Variants in SDCCAG8 observed in about 807,000 individuals in gnomAD.
SDCCAG8 encodes SHH signaling and ciliogenesis regulator SDCCAG8, also known as serologically defined colon cancer antigen 8.
A neutral mutation model predicts 101.8 loss-of-function variants in SDCCAG8; 74 were observed. The observed-to-expected ratio is 0.73, with a 90% confidence interval of 0.60 to 0.88. The LOEUF (loss-of-function observed/expected upper bound fraction) is 0.88, where lower values mean the gene tolerates loss of function less well. Among genes scored for constraint, SDCCAG8 ranks in the 40% least tolerant of loss-of-function variants. SDCCAG8 has a pLI of 0.00. For missense variants in SDCCAG8, 787 were observed against 822.6 expected (o/e 0.96, Z 0.53); for synonymous variants, 281 against 292.9 (o/e 0.96, Z 0.41).
chr1:243,461,714 T>C (rs890416408), intron 16 of SDCCAG8, among the ~76,000 whole-genome samples: 7 of 152,184 alleles, frequency 4.6e-5, no homozygotes, highest in African/African-American at 1.7e-4. Context: ...TCCTTATTTC[T>C]GGACTATTGG....
chr1:243,299,303 C>A (rs1302229579), intron 6 of SDCCAG8, among the ~76,000 whole-genome samples: 1 of 152,274 alleles, frequency 6.6e-6, no homozygotes, highest in East Asian at 1.9e-4. Context: ...TCTTTTCCCT[C>A]CTTTTACTTT....
At chr1:243,430,995 G>A (rs1328880046) in intron 16 of SDCCAG8, among the ~76,000 whole-genome samples, 9 of 151,502 alleles carry the variant, frequency 5.9e-5, no homozygotes, top group African/African-American at 2.2e-4. Context: ...TCAGGAGTTC[G>A]AGACCAGCCT....
chr1:243,336,003 G>C (rs894633051), intron 10 of SDCCAG8, among the ~76,000 whole-genome samples: 1 of 152,156 alleles, frequency 6.6e-6, no homozygotes, highest in African/African-American at 2.4e-5. Context: ...GTATTCAGTG[G>C]TGTATATGTA....
At chr1:243,314,190 T>C (rs1462599292) in intron 8 of SDCCAG8, among the ~76,000 whole-genome samples, 6 of 152,214 alleles carry the variant, frequency 3.9e-5, no homozygotes. Context: ...AAAGCTACCT[T>C]GAAGCATGCG....
chr1:243,493,656 T>C (rs893918166), intron 17 of SDCCAG8, among the ~76,000 whole-genome samples: 2 of 151,998 alleles, frequency 1.3e-5, no homozygotes, highest in African/African-American at 4.8e-5. Context: ...GACTTGTCAG[T>C]GGTTAATCAG....
chr1:243,311,011 C>G, intron 8 of SDCCAG8, among the ~76,000 whole-genome samples: 1 of 152,196 alleles, frequency 6.6e-6, no homozygotes, highest in East Asian at 1.9e-4. Flanking sequence ...GGTGGAAATA[C>G]TTTGGAAGTA....
intron 10 of SDCCAG8, chr1:243,338,650 CT>C (rs2147773702): frequency 6.6e-6 from 1 of 152,326 alleles, no homozygotes; most frequent in African/African-American, 2.4e-5. Context: ...TTCTCAATTG[CT>C]TTCCTTGACA....
chr1:243,483,359 T>C (rs1381632968), intron 16 of SDCCAG8, among the ~76,000 whole-genome samples: 5 of 152,154 alleles, frequency 3.3e-5, no homozygotes, highest in Admixed American at 2.6e-4. Context: ...GCCCTCTACG[T>C]GGGGGATCCT....
At chr1:243,452,562 G>A (rs867172724) in intron 16 of SDCCAG8, among the ~76,000 whole-genome samples, 7 of 151,192 alleles carry the variant, frequency 4.6e-5, no homozygotes, top group African/African-American at 1.7e-4. Context: ...AGCTGAGACT[G>A]TTAAGTGTGC....
intron 16 of SDCCAG8, among the ~76,000 whole-genome samples, chr1:243,482,323 C>A (rs1663902712): frequency 6.6e-6 from 1 of 152,080 alleles, no homozygotes. Context: ...CGCTGTTGGA[C>A]CAATGGAGAT....
chr1:243,485,791 C>A (rs998394254), intron 16 of SDCCAG8, among the ~76,000 whole-genome samples: 1 of 151,946 alleles, frequency 6.6e-6, no homozygotes, highest in African/African-American at 2.4e-5. Context: ...ATAATCCCAG[C>A]TACGGCAGGA....
intron 13 of SDCCAG8, among the ~76,000 whole-genome samples, chr1:243,394,779 G>C (rs2078934118): frequency 6.6e-6 from 1 of 151,840 alleles, no homozygotes; most frequent in Admixed American, 6.5e-5. Flanking sequence ...CCTTCACCTA[G>C]CAGCGCCCTT....
chr1:243,399,095 A>T (rs1289888004), intron 13 of SDCCAG8, among the ~76,000 whole-genome samples: 1 of 152,252 alleles, frequency 6.6e-6, no homozygotes, highest in Non-Finnish European at 1.5e-5. Context: ...ATATAAATTT[A>T]TAAACTTTCT....
At chr1:243,361,144 A>T (rs2076688407) in intron 12 of SDCCAG8, among the ~76,000 whole-genome samples, 1 of 152,206 alleles carries the variant, frequency 6.6e-6, no homozygotes, top group South Asian at 2.1e-4. Context: ...GGTGCTAACC[A>T]GTCTGCCCCC....
chr1:243,276,238 G>C (rs142452200), intron 4 of SDCCAG8, among the ~76,000 whole-genome samples: 1 of 152,268 alleles, frequency 6.6e-6, no homozygotes, highest in Non-Finnish European at 1.5e-5. Flanking sequence ...TGGCAACAGT[G>C]AAACACAGTA....
intron 12 of SDCCAG8, among the ~76,000 whole-genome samples, chr1:243,371,954 A>G (rs1048954434): frequency 2.0e-5 from 3 of 152,126 alleles, no homozygotes; most frequent in African/African-American, 7.2e-5. Flanking sequence ...TAGCCAAAGC[A>G]AGCTAGTGCA....
intron 13 of SDCCAG8, among the ~76,000 whole-genome samples, chr1:243,391,718 C>T (rs144131346): frequency 6.6e-6 from 1 of 152,302 alleles, no homozygotes; most frequent in East Asian, 1.9e-4. Flanking sequence ...TATTCCTGAC[C>T]AGGAGATTTA....
chr1:243,391,406 G>C (rs2078689318), intron 13 of SDCCAG8, among the ~76,000 whole-genome samples: 1 of 152,222 alleles, frequency 6.6e-6, no homozygotes, highest in Non-Finnish European at 1.5e-5. Context: ...AAAGGATGCA[G>C]TCAGTCTCGG....
chr1:243,429,295 A>G (rs12132986), intron 16 of SDCCAG8, among the ~76,000 whole-genome samples: 18,771 of 152,242 alleles, frequency 0.12, 1,256 homozygotes, highest in Non-Finnish European at 0.15. Flanking sequence ...TTGTAAGAAT[A>G]TAGTGTATAA....
Sources: gnomAD v4.1 joint callset for allele counts (sites outside exome capture counted in the v4.1 genomes callset) on GRCh38, gnomAD v4.1.1 for gene constraint, MANE v1.5 for transcripts, NCBI Gene and HGNC (gene_info 2026-07-23, HGNC 2026-07-21) for gene names.